The following ADGRF5 variants were observed in gnomAD, a reference collection of about 807,000 sequenced individuals.
The protein encoded by ADGRF5 is adhesion G protein-coupled receptor F5, also known as G-protein coupled receptor 116.
Under a neutral mutation model 132.3 loss-of-function variants are expected in ADGRF5, and 75 were observed. That is an observed-to-expected ratio of 0.57 (90% CI 0.47 to 0.69). ADGRF5 has a LOEUF of 0.69. Among genes scored for constraint, ADGRF5 ranks in the 30% least tolerant of loss-of-function variants. ADGRF5 has a pLI of 0.00. For synonymous variants in ADGRF5, 629 were observed against 597.6 expected (o/e 1.05, Z -0.77); for missense variants, 1,516 against 1,630.6 (o/e 0.93, Z 1.21).
intron 3 of ADGRF5, 36 bp from the exon 4 acceptor site, chr6:46,888,541 C>G: frequency 6.9e-7 from 1 of 1,458,258 alleles, no homozygotes; most frequent in Non-Finnish European, 9.6e-7. Flanking sequence ...AGAGAACTTA[C>G]CATGGGAGAT....
rs1008787438 is a variant in ADGRF5 at position 46,910,730 on chromosome 6, C to A, written c.-24-3944G>T. Among the ~76,000 whole-genome samples the A allele has an allele frequency of 5.9e-5, 9 of 151,988 alleles. No homozygotes were observed. The South Asian group carries it at 6.2e-4, about 11-fold the overall frequency. On this transcript the variant is annotated intron_variant, in intron 1 of 20. Transcript: ENST00000283296. ...CCAAACAAACAAACAAACAAACAAA[C>A]AAATTATAAGTTATAGACACCTGAC...
intron 1 of ADGRF5, among the ~76,000 whole-genome samples, chr6:46,910,158 G>A (rs1775794636): frequency 6.6e-6 from 1 of 152,076 alleles, no homozygotes; most frequent in Non-Finnish European, 1.5e-5. Flanking sequence ...AGGTGGCTAG[G>A]AGCTGAGTTC....
intron 2 of ADGRF5, among the ~76,000 whole-genome samples, chr6:46,904,749 C>T (rs1416418972): frequency 6.6e-6 from 1 of 152,134 alleles, no homozygotes; most frequent in Non-Finnish European, 1.5e-5. Flanking sequence ...CCAGATGTTG[C>T]ATACATGTGT....
intron 1 of ADGRF5, among the ~76,000 whole-genome samples, chr6:46,912,075 T>G (rs1416126987): frequency 6.6e-6 from 1 of 152,140 alleles, no homozygotes; most frequent in Non-Finnish European, 1.5e-5. Flanking sequence ...GGTACAGATC[T>G]GGTATGATAT....
upstream of ADGRF5, among the ~76,000 whole-genome samples, chr6:46,924,266 C>T (rs1227002801): frequency 1.3e-5 from 2 of 152,204 alleles, no homozygotes; most frequent in Admixed American, 1.3e-4. Flanking sequence ...TGATCCCACA[C>T]TGCCAGATGC....
At chr6:46,901,676 G>A (rs1455122345) in intron 2 of ADGRF5, among the ~76,000 whole-genome samples, 2 of 152,100 alleles carry the variant, frequency 1.3e-5, no homozygotes, top group Non-Finnish European at 2.9e-5. Flanking sequence ...CAGCTCCAGA[G>A]TCTGCACTTG....
At chr6:46,948,682 C>G (rs1220085428) in intron 1 of ADGRF5, among the ~76,000 whole-genome samples, 1 of 152,154 alleles carries the variant, frequency 6.6e-6, no homozygotes, top group Non-Finnish European at 1.5e-5. Flanking sequence ...AGATTTAGAT[C>G]CTTGACTACA....
At chr6:46,939,463 C>T (rs926081890) in intron 1 of ADGRF5, among the ~76,000 whole-genome samples, 1 of 152,104 alleles carries the variant, frequency 6.6e-6, no homozygotes, top group Admixed American at 6.5e-5. Context: ...GTGACTTCAA[C>T]TAAAATCTGT....
At chr6:46,883,988 C>G in intron 5 of ADGRF5, 107 bp downstream of exon 5, 1 of 924,580 alleles carries the variant, frequency 1.1e-6, no homozygotes, top group Non-Finnish European at 1.7e-6. Flanking sequence ...GTGATCCATC[C>G]ACATCGGACT....
At chr6:46,874,744 T>C (rs947720836) in intron 10 of ADGRF5, among the ~76,000 whole-genome samples, 1 of 152,158 alleles carries the variant, frequency 6.6e-6, no homozygotes, top group Non-Finnish European at 1.5e-5. Flanking sequence ...TAATAAACTG[T>C]GTGGGCTCCA....
chr6:46,861,767 AG>A (rs1435966710), intron 15 of ADGRF5, among the ~76,000 whole-genome samples: 1 of 152,240 alleles, frequency 6.6e-6, no homozygotes, highest in Non-Finnish European at 1.5e-5. Flanking sequence ...GATAAATCAA[AG>A]GAAGCATGAT....
intron 10 of ADGRF5, among the ~76,000 whole-genome samples, chr6:46,877,259 C>T (rs572496292): frequency 1.3e-3 from 48 of 36,748 alleles, no homozygotes; most frequent in African/African-American, 7.4e-3. Flanking sequence ...TTCTTTCTTT[C>T]TTTCTTTCTT....
At chr6:46,895,483 C>T (rs752981256) in intron 3 of ADGRF5, among the ~76,000 whole-genome samples, 1 of 151,276 alleles carries the variant, frequency 6.6e-6, no homozygotes, top group African/African-American at 2.4e-5. Flanking sequence ...TTCCTAGACC[C>T]AGATCTAAAA....
Position 46,878,381 on chromosome 6 carries a change from A to G in ADGRF5, c.1061T>C (p.Leu354Ser). 1.2e-6 allele frequency: 2 copies of G among 1,607,952 alleles called. No individual in the cohort carries two copies. The highest frequency in any genetic ancestry group is 1.7e-6 in the Non-Finnish European group (2 of 1,174,608). The change falls in exon 10 of 21, where the codon TTA becomes TCA. Residue 354 changes from leucine (L) to serine (S), a missense_variant. Around this residue, in one of 2 missense-constraint regions of ADGRF5, gnomAD observed 945 missense variants for 929.4 expected, o/e 1.02. Transcript: ENST00000283296. ...CTTGCACTCATATTCAAAAATGTCT[A>G]ATATCAGTTTGCAAACATATTCACC... The part of the protein sequence containing the change: ...DAGEYVCKLI[L>S]DIFEYECKKK...
At chr6:46,950,078 A>T (rs1032579067) in intron 1 of ADGRF5, among the ~76,000 whole-genome samples, 1 of 151,770 alleles carries the variant, frequency 6.6e-6, no homozygotes, top group Admixed American at 6.6e-5. Flanking sequence ...ACATCACGAG[A>T]CTCTTGATAG....
intron 1 of ADGRF5, among the ~76,000 whole-genome samples, chr6:46,918,777 C>T (rs894379661): frequency 6.6e-6 from 1 of 152,174 alleles, no homozygotes; most frequent in African/African-American, 2.4e-5. Context: ...CGAAAGACAG[C>T]AGCAGCCAGA....
intron 14 of ADGRF5, 106 bp downstream of exon 14, chr6:46,864,936 G>C (rs1052894043): frequency 1.3e-6 from 1 of 757,914 alleles, no homozygotes; most frequent in African/African-American, 1.7e-5. Context: ...ACCACAGTGA[G>C]GGTATTTAAC....
At chr6:46,912,170 A>G (rs1368761926) in intron 1 of ADGRF5, among the ~76,000 whole-genome samples, 2 of 152,210 alleles carry the variant, frequency 1.3e-5, no homozygotes, top group Non-Finnish European at 2.9e-5. Context: ...TTGAACCTAG[A>G]AAGTCTAACT....
intron 1 of ADGRF5, among the ~76,000 whole-genome samples, chr6:46,928,917 T>C (rs1222358928): frequency 6.6e-6 from 1 of 152,186 alleles, no homozygotes; most frequent in East Asian, 1.9e-4. Context: ...GTTCAACCAT[T>C]GTGGATGTCA....
Sources: gnomAD v4.1 joint callset for allele counts (sites outside exome capture counted in the v4.1 genomes callset) on GRCh38, gnomAD v4.1.1 for gene constraint, gnomAD v4.1.1 regional missense constraint, MANE v1.5 for transcripts, NCBI Gene and HGNC (gene_info 2026-07-23, HGNC 2026-07-21) for gene names.